The following PRDM16 variants were observed in gnomAD, a reference collection of about 807,000 sequenced individuals.
PRDM16 encodes the protein PR/SET domain 16.
A neutral mutation model predicts 110.6 loss-of-function variants in PRDM16; 23 were observed. That is an observed-to-expected ratio of 0.21 (90% CI 0.15 to 0.29). PRDM16 has a LOEUF of 0.29. Ranked by LOEUF, PRDM16 falls within the 10% of genes least tolerant of loss-of-function variation. PRDM16 has a pLI of 1.00. For missense variants in PRDM16, 1,615 were observed against 1,794.3 expected (o/e 0.90, Z 1.81); for synonymous variants, 799 against 781.8 (o/e 1.02, Z -0.37).
chr1:3,273,933 G>T (rs983650590), intron 3 of PRDM16, among the ~76,000 whole-genome samples: 2 of 134,162 alleles, frequency 1.5e-5, no homozygotes, highest in African/African-American at 5.8e-5. Flanking sequence ...GTGTGCGTGT[G>T]TCCCAGGCAC....
At chr1:3,115,150 G>A (rs1220840562) in intron 1 of PRDM16, among the ~76,000 whole-genome samples, 4 of 152,236 alleles carry the variant, frequency 2.6e-5, no homozygotes, top group African/African-American at 7.2e-5. Context: ...CTCGGTGAGT[G>A]GTTGGGGGGG....
chr1:3,395,821 G>A (rs996221542), intron 4 of PRDM16, among the ~76,000 whole-genome samples: 2 of 152,340 alleles, frequency 1.3e-5, no homozygotes, highest in East Asian at 3.9e-4. Flanking sequence ...TCCAAATGGA[G>A]GTCCCCTCGC....
At chr1:3,329,340 C>T (rs569308582) in intron 3 of PRDM16, among the ~76,000 whole-genome samples, 110 of 152,254 alleles carry the variant, frequency 7.2e-4, no homozygotes, top group Non-Finnish European at 1.3e-3. Flanking sequence ...GTCAAGCATC[C>T]GGGTAGGACC....
At chr1:3,405,779 G>A in intron 8 of PRDM16, 131 bp downstream of exon 8, 1 of 927,132 alleles carries the variant, frequency 1.1e-6, no homozygotes, top group Non-Finnish European at 1.6e-6. Context: ...AGCACTCATG[G>A]CAGGTTCTGA....
At chr1:3,277,909 C>T (rs1287796545) in intron 3 of PRDM16, among the ~76,000 whole-genome samples, 2 of 152,224 alleles carry the variant, frequency 1.3e-5, no homozygotes, top group African/African-American at 2.4e-5. Context: ...CCCATACACT[C>T]ATGCACATGA....
chr1:3,092,356 C>T (rs1416505924), intron 1 of PRDM16, among the ~76,000 whole-genome samples: 1 of 151,996 alleles, frequency 6.6e-6, no homozygotes, highest in Non-Finnish European at 1.5e-5. Flanking sequence ...CAAAGGCACC[C>T]GGTCCTGCCC....
intron 3 of PRDM16, among the ~76,000 whole-genome samples, chr1:3,355,569 T>C (rs1428730491): frequency 6.6e-6 from 1 of 152,098 alleles, no homozygotes; most frequent in Non-Finnish European, 1.5e-5. Context: ...CAGCCAGGCG[T>C]GCCCAAGAAC....
At chr1:3,136,944 C>T (rs1424396874) in intron 1 of PRDM16, among the ~76,000 whole-genome samples, 2 of 152,324 alleles carry the variant, frequency 1.3e-5, no homozygotes, top group African/African-American at 2.4e-5. Flanking sequence ...CCTGCTGCCC[C>T]TGGCTCTGGG....
Position 3,431,074 on chromosome 1 carries a change from G to A in PRDM16, c.3487G>A (p.Ala1163Thr), listed in dbSNP as rs747460948. The change falls in exon 15 of 17, where the codon GCC (alanine) becomes ACC (threonine). Residue 1163 changes from alanine to threonine, a missense_variant. Physicochemically the swap from Ala to Thr is moderately conservative, Grantham distance 58 (BLOSUM62 0). This residue lies in a region of PRDM16 where 327 missense variants were observed against 359.3 expected (regional missense o/e 0.91). Transcript: ENST00000270722. ...YEDEEDEEPA[A>T]SLAVGFDHTR... ...GGATGAGGAGGATGAGGAGCCAGCC[G>A]CCTCCCTGGCCGTGGGCTTTGACCA... The A allele has an allele frequency of 4.8e-5, 74 of 1,552,316 alleles. 1 individual carries two copies. The highest frequency in any genetic ancestry group is 5.9e-5 in the Non-Finnish European group (68 of 1,148,330).
chr1:3,193,040 C>A (rs564155057), intron 2 of PRDM16, among the ~76,000 whole-genome samples: 1 of 151,600 alleles, frequency 6.6e-6, no homozygotes, highest in Non-Finnish European at 1.5e-5. Context: ...GGCCAGACGG[C>A]GAGTACCCAG....
intron 2 of PRDM16, among the ~76,000 whole-genome samples, chr1:3,192,949 G>A (rs963012901): frequency 6.6e-6 from 1 of 152,184 alleles, no homozygotes; most frequent in African/African-American, 2.4e-5. Context: ...ACCTGCAATT[G>A]AGCGAGATCC....
At chr1:3,268,956 C>T in intron 3 of PRDM16, among the ~76,000 whole-genome samples, 1 of 152,230 alleles carries the variant, frequency 6.6e-6, no homozygotes, top group Admixed American at 6.5e-5. Flanking sequence ...ACCTGGGGGT[C>T]CTTCCAAAGG....
At chr1:3,223,542 G>A (rs113996751) in intron 2 of PRDM16, among the ~76,000 whole-genome samples, 20 of 152,152 alleles carry the variant, frequency 1.3e-4, no homozygotes, top group African/African-American at 3.4e-4. Flanking sequence ...ATCCAAGTAC[G>A]TGATGGTGAA....
chr1:3,412,280 G>C lies in PRDM16; in HGVS notation c.2083G>C (p.Ala695Pro). The change falls in exon 9 of 17, where the codon GCC (alanine) becomes CCC (proline). Residue 695 changes from alanine to proline, a missense_variant. Ala to Pro is a conservative substitution (Grantham distance 27). Around this residue, in one of 5 missense-constraint regions of PRDM16, gnomAD observed 772 missense variants for 748.3 expected, o/e 1.03. Coordinates refer to ENST00000270722, the MANE Select transcript of PRDM16 (RefSeq NM_022114.4). ...ATGAAGDSIKAIASIAEKYFG... is the reference protein window; with the variant it reads ...ATGAAGDSIKPIASIAEKYFG... ...GGGCGCCGCCGGGGACTCCATCAAG[G>C]CCATCGCATCCATTGCCGAGAAGTA... The C allele has an allele frequency of 6.2e-7, 1 of 1,613,538 alleles. No individual in the cohort carries two copies. The highest frequency in any genetic ancestry group is 8.5e-7 in the Non-Finnish European group (1 of 1,180,022).
Position 3,426,126 on chromosome 1 carries a change from A to G in PRDM16, c.3185A>G (p.His1062Arg). The G allele has an allele frequency of 1.9e-6, 3 of 1,613,930 alleles. No homozygotes were observed. The highest frequency in any genetic ancestry group is 2.5e-6 in the Non-Finnish European group (3 of 1,179,944). The part of the protein sequence containing the change: ...ASSPTSESDN[H>R]ALLDEKEDSY... Reference sequence around the variant, plus strand: ...TCTCCCACCTCAGAGTCGGACAACCACGCACTTTTAGACGAGAAAGAAGAC... The same window carrying G: ...TCTCCCACCTCAGAGTCGGACAACCGCGCACTTTTAGACGAGAAAGAAGAC... Residue 1062 changes from histidine (H) to arginine (R), a missense_variant, in exon 14 of 17, where the codon CAC (histidine) becomes CGC (arginine). Coordinates refer to ENST00000270722, the MANE Select transcript of PRDM16 (RefSeq NM_022114.4).
intron 3 of PRDM16, among the ~76,000 whole-genome samples, chr1:3,316,851 A>G (rs1320106380): frequency 6.6e-6 from 1 of 152,230 alleles, no homozygotes; most frequent in Non-Finnish European, 1.5e-5. Context: ...TAGGCAGGAA[A>G]CAGTGACACA....
chr1:3,137,216 C>A (rs903840787), intron 1 of PRDM16, among the ~76,000 whole-genome samples: 2 of 152,230 alleles, frequency 1.3e-5, no homozygotes, highest in African/African-American at 4.8e-5. Context: ...AGAGCAGGGC[C>A]TTTCCTGCAA....
rs1419321758 is a variant in PRDM16 at position 3,384,302 on chromosome 1, G to A, written c.439-850G>A. 2.0e-5 allele frequency among the ~76,000 whole-genome samples: 3 copies of A among 152,340 alleles called. No homozygotes were observed. In the East Asian group the frequency reaches 5.8e-4, roughly 29 times the overall value. On this transcript the variant is annotated intron_variant, in intron 3 of 16. Transcript: ENST00000270722. ...TGCCCTGTCTGGGCTGGGCTGCCCA[G>A]GAAGCTTGCCCAAGATGCTGCTGGT... is the stretch of plus-strand genomic sequence containing the variant.
chr1:3,236,766 A>C (rs1180877425), intron 2 of PRDM16, among the ~76,000 whole-genome samples: 1 of 152,206 alleles, frequency 6.6e-6, no homozygotes, highest in Non-Finnish European at 1.5e-5. Context: ...TCGGGAGGCT[A>C]CTTTACCTCT....
Sources: allele counts gnomAD v4.1 joint callset (sites outside exome capture counted in the v4.1 genomes callset), GRCh38; gene constraint gnomAD v4.1.1; regional missense constraint gnomAD v4.1.1; transcripts MANE v1.5; gene names NCBI Gene and HGNC (gene_info 2026-07-23, HGNC 2026-07-21).